Variants in ZMYND11 observed in about 807,000 individuals in gnomAD.
ZMYND11 encodes zinc finger MYND domain-containing protein 11.
Under a neutral mutation model 84.9 loss-of-function variants are expected in ZMYND11, and 9 were observed. That is an observed-to-expected ratio of 0.11 (90% CI 0.06 to 0.18). ZMYND11 has a LOEUF of 0.18. ZMYND11 is among the 10% of genes least tolerant of loss of function. ZMYND11 has a pLI of 1.00. For missense variants in ZMYND11, 409 were observed against 761.0 expected, an observed-to-expected ratio of 0.54 and a Z score of 5.44; for synonymous variants, 250 against 244.1, an observed-to-expected ratio of 1.02 and a Z score of -0.23.
At chr10:132,494 T>G (rs7089889), upstream of ZMYND11, among the ~76,000 whole-genome samples, 109,018 of 151,788 alleles carry the variant, frequency 0.72, 39,313 homozygotes, top group East Asian at 0.83. Context: ...TAGACACACA[T>G]TTTTGAGGGC....
chr10:149,347 G>A (rs980469923), intron 1 of ZMYND11, among the ~76,000 whole-genome samples: 13 of 150,364 alleles, frequency 8.6e-5, no homozygotes, highest in Admixed American at 8.6e-4. Context: ...GTCTCGCTCT[G>A]TCGCCCAGGC....
chr10:191,960 G>A (rs1000869255), intron 2 of ZMYND11, among the ~76,000 whole-genome samples: 7 of 152,186 alleles, frequency 4.6e-5, no homozygotes, highest in African/African-American at 1.7e-4. Context: ...ATGAATATTT[G>A]TTATATGACT....
At chr10:132,881 G>A (rs782048194), upstream of ZMYND11, among the ~76,000 whole-genome samples, 1 of 152,114 alleles carries the variant, frequency 6.6e-6, no homozygotes, top group Non-Finnish European at 1.5e-5. Context: ...AGTGGCACCC[G>A]CTTTGAAACT....
In ZMYND11 at chr10:248,951, G is replaced by A. The variant is rs770811984; in HGVS notation, c.1549G>A (p.Val517Ile). The stretch of plus-strand genomic sequence containing the variant: ...AAAGAGACAAGCTGTAAATAAAGCT[G>A]TAGCCAACATGCAGGGTGAGATGGA... ...EEKRQAVNKA[V>I]ANMQGEMDRK... Residue 517 changes from valine (V) to isoleucine (I), a missense_variant, in exon 14 of 15, where the codon GTA becomes ATA. This residue lies in a region of ZMYND11 where 141 missense variants were observed against 173.8 expected (regional missense o/e 0.81). Coordinates refer to ENST00000381604, the MANE Select transcript of ZMYND11 (RefSeq NM_001370100.5). The A allele has an allele frequency of 1.1e-5, 18 of 1,614,038 alleles. No homozygotes were observed. Among genetic ancestry groups the A allele is most frequent in the Non-Finnish European group, 1.5e-5 (18 of 1,180,020 alleles).
intron 1 of ZMYND11, among the ~76,000 whole-genome samples, chr10:139,675 C>T (rs1837010707): frequency 6.7e-6 from 1 of 148,168 alleles, no homozygotes; most frequent in African/African-American, 2.5e-5. Context: ...CTTACACGTA[C>T]ACTGTCCAAC....
chr10:154,250 C>G (rs1394238111), intron 1 of ZMYND11, among the ~76,000 whole-genome samples: 2 of 152,174 alleles, frequency 1.3e-5, no homozygotes, highest in Non-Finnish European at 2.9e-5. Flanking sequence ...GCCAGTAGCA[C>G]TATAATTCAT....
intron 1 of ZMYND11, among the ~76,000 whole-genome samples, chr10:144,069 A>G (rs543779793): frequency 1.3e-5 from 2 of 151,978 alleles, no homozygotes; most frequent in African/African-American, 2.4e-5. Flanking sequence ...TTTAAGGACT[A>G]TTCAAATAAA....
intron 10 of ZMYND11, among the ~76,000 whole-genome samples, chr10:244,207 T>C (rs1951652101): frequency 6.6e-6 from 1 of 152,214 alleles, no homozygotes. Flanking sequence ...ATTATAATCA[T>C]GAATTTTTAA....
At chr10:164,477 G>A (rs1381275963) in intron 1 of ZMYND11, among the ~76,000 whole-genome samples, 3 of 152,112 alleles carry the variant, frequency 2.0e-5, no homozygotes, top group Admixed American at 6.6e-5. Flanking sequence ...GCTGTCATTT[G>A]TCCTCATTCT....
intron 3 of ZMYND11, among the ~76,000 whole-genome samples, chr10:211,665 A>G (rs1329953640): frequency 6.6e-6 from 1 of 152,160 alleles, no homozygotes; most frequent in Non-Finnish European, 1.5e-5. Flanking sequence ...GAACATTCAC[A>G]TTTTCCAGCA....
At chr10:220,813 A>G (rs1407225165) in intron 3 of ZMYND11, among the ~76,000 whole-genome samples, 1 of 152,232 alleles carries the variant, frequency 6.6e-6, no homozygotes. Flanking sequence ...AAAGCAGAAC[A>G]AAACAAAGGT....
chr10:179,651 G>T (rs1272267013), intron 1 of ZMYND11, among the ~76,000 whole-genome samples: 1 of 152,056 alleles, frequency 6.6e-6, no homozygotes, highest in African/African-American at 2.4e-5. Flanking sequence ...CAAACAACGC[G>T]ATGTCAACAA....
intron 1 of ZMYND11, among the ~76,000 whole-genome samples, chr10:157,124 T>C (rs558298406): frequency 6.6e-6 from 1 of 152,368 alleles, no homozygotes; most frequent in South Asian, 2.1e-4. Context: ...ATTTAAAATA[T>C]GGTAAAATGT....
At chr10:137,714 A>C (rs1554752621) in intron 1 of ZMYND11, among the ~76,000 whole-genome samples, 1 of 152,160 alleles carries the variant, frequency 6.6e-6, no homozygotes, top group Non-Finnish European at 1.5e-5. Context: ...ATGTCTGTAG[A>C]GGCATTTAAT....
intron 1 of ZMYND11, among the ~76,000 whole-genome samples, chr10:159,849 T>A (rs1469876323): frequency 6.6e-6 from 1 of 152,200 alleles, no homozygotes; most frequent in Non-Finnish European, 1.5e-5. Context: ...GATTTTGATT[T>A]TCTGATTTTT....
At chr10:234,982 A>ATTG (rs111765274) in intron 4 of ZMYND11, among the ~76,000 whole-genome samples, 1 of 148,884 alleles carries the variant, frequency 6.7e-6, no homozygotes, top group African/African-American at 2.5e-5. Context: ...TATTTCGCAA[A>ATTG]TGTGTGTGTG....
At chr10:194,737 T>G (rs1490082240) in intron 2 of ZMYND11, among the ~76,000 whole-genome samples, 1 of 152,160 alleles carries the variant, frequency 6.6e-6, no homozygotes, top group Non-Finnish European at 1.5e-5. Context: ...CTTTGCCCAT[T>G]TTTTTATGGA....
chr10:248,217 C>G (rs1564464582), intron 12 of ZMYND11, 119 bp from the exon 13 acceptor site: 2 of 1,302,490 alleles, frequency 1.5e-6, no homozygotes, highest in Non-Finnish European at 2.1e-6. Flanking sequence ...CATTTTTCAA[C>G]AGCAGTTTAT....
rs184111587 is a variant in ZMYND11, at chr10:224,772, G to A, written c.438+3416G>A. ...CACCTGTTATGATTTGAGAGGGCAT[G>A]CTGTAACTTATGTGACCAGTTCCTC... On this transcript the variant is annotated intron_variant, in intron 4 of 14. Coordinates refer to ENST00000381604, the MANE Select transcript of ZMYND11 (RefSeq NM_001370100.5). 5.0e-3 allele frequency among the ~76,000 whole-genome samples: 761 copies of A among 152,234 alleles called. 4 individuals are homozygous for A. Among genetic ancestry groups the A allele is most frequent in the African/African-American group, 0.018 (736 of 41,520 alleles).
Sources: allele counts gnomAD v4.1 joint callset (sites outside exome capture counted in the v4.1 genomes callset), GRCh38; gene constraint gnomAD v4.1.1; regional missense constraint gnomAD v4.1.1; transcripts MANE v1.5; gene names NCBI Gene and HGNC (gene_info 2026-07-23, HGNC 2026-07-21).